SGCZ: variants seen among roughly 807,000 people sequenced by gnomAD.
SGCZ encodes zeta-sarcoglycan.
SGCZ carries 40 observed loss-of-function variants against 41.3 expected under a neutral mutation model. The ratio of observed to expected loss-of-function variants is 0.97; its 90% CI spans 0.75 to 1.26. SGCZ has a LOEUF of 1.26. SGCZ is among the 50% of genes most tolerant of loss of function. The pLI is 0.00. For synonymous variants in SGCZ, 206 were observed against 137.5 expected (o/e 1.50, Z -3.49); for missense variants, 552 against 369.8 (o/e 1.49, Z -4.04).
chr8:14,592,411 A>G (rs1190150199), intron 1 of SGCZ, among the ~76,000 whole-genome samples: 1 of 152,146 alleles, frequency 6.6e-6, no homozygotes, highest in Non-Finnish European at 1.5e-5. Context: ...TTTAAAGTAT[A>G]CATGCTATAT....
intron 1 of SGCZ, among the ~76,000 whole-genome samples, chr8:14,923,177 G>T (rs758945073): frequency 6.6e-6 from 1 of 152,134 alleles, no homozygotes; most frequent in African/African-American, 2.4e-5. Context: ...TACAGATTTG[G>T]TTCCTCTACT....
At chr8:14,850,197 T>A (rs1276244573) in intron 1 of SGCZ, among the ~76,000 whole-genome samples, 2 of 152,202 alleles carry the variant, frequency 1.3e-5, no homozygotes, top group African/African-American at 4.8e-5. Context: ...CATTACATAA[T>A]ATTAGTGTAA....
At chr8:14,265,876 C>T (rs186024866) in intron 3 of SGCZ, among the ~76,000 whole-genome samples, 1 of 151,182 alleles carries the variant, frequency 6.6e-6, no homozygotes, top group African/African-American at 2.4e-5. Context: ...CAGAACTGAT[C>T]AAGCAGAAGA....
At chr8:14,848,086 C>G (rs1483453687) in intron 1 of SGCZ, among the ~76,000 whole-genome samples, 4 of 151,722 alleles carry the variant, frequency 2.6e-5, no homozygotes, top group Admixed American at 6.6e-5. Context: ...TACTAGCAAA[C>G]AGCTGAAAAT....
Position 15,196,116 on chromosome 8 carries a change from C to A in SGCZ, c.39+41469G>T, listed in dbSNP as rs1800723132. Among the ~76,000 whole-genome samples the A allele has an allele frequency of 1.5e-5, 2 of 134,384 alleles. 1 individual carries two copies. Among genetic ancestry groups the A allele is most frequent in the Admixed American group, 1.5e-4 (2 of 13,656 alleles). The allele number at this position is 134,384 out of a possible 152,430, so 88.2% of individuals were successfully genotyped here. Reference sequence around the variant, plus strand: ...GTTTCACCTTGTTAGCCAGGATGGTCTCGATCTCCTGACCTCGTGATCCGC... The same window carrying A: ...GTTTCACCTTGTTAGCCAGGATGGTATCGATCTCCTGACCTCGTGATCCGC... On this transcript the variant is annotated intron_variant, in intron 1 of 7. Coordinates refer to ENST00000382080, the MANE Select transcript of SGCZ (RefSeq NM_139167.4).
intron 2 of SGCZ, among the ~76,000 whole-genome samples, chr8:14,405,991 C>A (rs1366841681): frequency 6.6e-6 from 1 of 152,112 alleles, no homozygotes; most frequent in Non-Finnish European, 1.5e-5. Flanking sequence ...CATGTAAATA[C>A]AAGTAGCCAA....
chr8:14,591,548 T>G (rs1239591819), intron 1 of SGCZ, among the ~76,000 whole-genome samples: 1 of 152,112 alleles, frequency 6.6e-6, no homozygotes, highest in Non-Finnish European at 1.5e-5. Flanking sequence ...TAGTTTGTGA[T>G]GTAAGCACAA....
At chr8:14,454,288 T>C (rs1800680797) in intron 2 of SGCZ, among the ~76,000 whole-genome samples, 1 of 152,130 alleles carries the variant, frequency 6.6e-6, no homozygotes, top group Non-Finnish European at 1.5e-5. Context: ...AAATCTGGAC[T>C]TTAGGAACTG....
At chr8:14,519,591 G>T (rs1224648673) in intron 2 of SGCZ, among the ~76,000 whole-genome samples, 2 of 151,946 alleles carry the variant, frequency 1.3e-5, no homozygotes, top group Non-Finnish European at 2.9e-5. Flanking sequence ...GTTAGTGATG[G>T]GTAGTGTGCT....
At chr8:14,326,156 G>A (rs1220206417) in intron 2 of SGCZ, among the ~76,000 whole-genome samples, 1 of 136,136 alleles carries the variant, frequency 7.3e-6, no homozygotes, top group Admixed American at 7.7e-5. Context: ...AGAAATACTT[G>A]AATCTGTCAC....
intron 1 of SGCZ, among the ~76,000 whole-genome samples, chr8:15,033,005 A>C (rs1211692285): frequency 1.3e-5 from 2 of 152,028 alleles, no homozygotes; most frequent in Non-Finnish European, 2.9e-5. Context: ...ACTCCAAGGC[A>C]ACAGGCCAGC....
intron 1 of SGCZ, among the ~76,000 whole-genome samples, chr8:14,933,463 GCT>G (rs1212130566): frequency 1.6e-5 from 2 of 126,186 alleles, no homozygotes; most frequent in African/African-American, 3.1e-5. Context: ...ACGGAGTCTC[GCT>G]CTGTCGTCCA....
At chr8:15,209,980 C>T (rs140191277) in intron 1 of SGCZ, among the ~76,000 whole-genome samples, 1 of 152,102 alleles carries the variant, frequency 6.6e-6, no homozygotes, top group Admixed American at 6.6e-5. Context: ...GATTTACTCA[C>T]ACTATTTAAA....
chr8:14,768,822 C>T (rs1800130646), intron 1 of SGCZ, among the ~76,000 whole-genome samples: 1 of 152,100 alleles, frequency 6.6e-6, no homozygotes, highest in South Asian at 2.1e-4. Context: ...ATTTTAACCA[C>T]TGTTCATGGT....
chr8:14,480,511 T>C (rs1489539202), intron 2 of SGCZ, among the ~76,000 whole-genome samples: 2 of 152,200 alleles, frequency 1.3e-5, no homozygotes, highest in Non-Finnish European at 2.9e-5. Context: ...TCCACTTTCA[T>C]GACTTCGTTA....
At chr8:14,418,477 A>G (rs1204097510) in intron 2 of SGCZ, among the ~76,000 whole-genome samples, 1 of 151,902 alleles carries the variant, frequency 6.6e-6, no homozygotes, top group Non-Finnish European at 1.5e-5. Context: ...AAGATTACAC[A>G]TTTCTGAAAA....
chr8:15,066,605 T>G (rs1805157673), intron 1 of SGCZ, among the ~76,000 whole-genome samples: 1 of 152,236 alleles, frequency 6.6e-6, no homozygotes, highest in South Asian at 2.1e-4. Flanking sequence ...AACATTTTCT[T>G]CAACTCAAAA....
At chr8:14,457,288 A>G (rs1800773219) in intron 2 of SGCZ, among the ~76,000 whole-genome samples, 1 of 152,228 alleles carries the variant, frequency 6.6e-6, no homozygotes, top group Non-Finnish European at 1.5e-5. Flanking sequence ...GCCTTCTGTT[A>G]TGCCCACACA....
At chr8:15,111,890 C>T (rs1290108451) in intron 1 of SGCZ, among the ~76,000 whole-genome samples, 1 of 138,952 alleles carries the variant, frequency 7.2e-6, no homozygotes, top group Non-Finnish European at 1.5e-5. Context: ...CAGAGCGAGA[C>T]TCCGTCTCCC....
Sources: allele counts gnomAD v4.1 joint callset (sites outside exome capture counted in the v4.1 genomes callset), GRCh38; gene constraint gnomAD v4.1.1; transcripts MANE v1.5; gene names NCBI Gene and HGNC (gene_info 2026-07-23, HGNC 2026-07-21).